The following NUP155 variants were observed in gnomAD, a reference collection of about 807,000 sequenced individuals.
NUP155 encodes the protein nucleoporin 155.
In NUP155, 71 loss-of-function variants were observed where a neutral mutation model predicts 180.4. That is an observed-to-expected ratio of 0.39 (90% CI 0.33 to 0.48). The LOEUF (loss-of-function observed/expected upper bound fraction) is 0.48. Ranked by LOEUF, NUP155 falls within the 20% of genes least tolerant of loss-of-function variation. The pLI is 0.91. For missense variants in NUP155, 1,553 were observed against 1,648.9 expected (o/e 0.94, Z 1.01); for synonymous variants, 582 against 559.5 (o/e 1.04, Z -0.57).
intron 8 of NUP155, 92 bp from the exon 9 acceptor site, chr5:37,348,688 T>C: frequency 2.5e-6 from 2 of 789,936 alleles, no homozygotes; most frequent in South Asian, 2.9e-5. Flanking sequence ...TTAATATTGG[T>C]ATTTAATACA....
intron 9 of NUP155, among the ~76,000 whole-genome samples, chr5:37,345,212 TG>T (rs1479766664): frequency 6.6e-6 from 1 of 151,456 alleles, no homozygotes; most frequent in Non-Finnish European, 1.5e-5. Flanking sequence ...TATATTGTTA[TG>T]TAACAGACTA....
chr5:37,351,445 CTCAAT>C, intron 5 of NUP155, 89 bp from the exon 6 acceptor site: 2 of 972,520 alleles, frequency 2.1e-6, no homozygotes, highest in Non-Finnish European at 3.2e-6. Context: ...TATATGTTTA[CTCAAT>C]TCTTTTTTTT....
chr5:37,318,040 A>G lies in NUP155; in HGVS notation c.2253T>C (p.Pro751=), dbSNP rs1293452991. Residue 751 remains proline (P), a synonymous_variant, in exon 21 of 35, where the codon CCT becomes CCC. Transcript: ENST00000231498. The part of the protein sequence containing the change: ...VQQRLIGFMR[P]ENGNPQQMQQ... Reference sequence around the variant, plus strand: ...GCATTTGCTGGGGATTTCCGTTTTCAGGACGCATGAATCCTATCAGCCTCT... The same window carrying G: ...GCATTTGCTGGGGATTTCCGTTTTCGGGACGCATGAATCCTATCAGCCTCT... The G allele has an allele frequency of 8.1e-6, 13 of 1,613,014 alleles. No individual in the cohort carries two copies. The highest frequency in any genetic ancestry group is 1.1e-5 in the Non-Finnish European group (13 of 1,178,940).
chr5:37,313,876 T>G (rs1388704414), intron 22 of NUP155, among the ~76,000 whole-genome samples: 1 of 152,178 alleles, frequency 6.6e-6, no homozygotes, highest in East Asian at 1.9e-4. Flanking sequence ...TCGATATGCA[T>G]TTCTTTAAGG....
chr5:37,338,184 G>A (rs1177674139), intron 11 of NUP155, among the ~76,000 whole-genome samples: 2 of 151,390 alleles, frequency 1.3e-5, no homozygotes, highest in Admixed American at 1.3e-4. Context: ...TGGGCATGGC[G>A]GCAGGCACCT....
chr5:37,368,388 T>G (rs1747744816), intron 1 of NUP155, among the ~76,000 whole-genome samples: 1 of 151,736 alleles, frequency 6.6e-6, no homozygotes, highest in Non-Finnish European at 1.5e-5. Context: ...CCAAGCTAAT[T>G]TTTGTATTAT....
intron 12 of NUP155, 88 bp from the exon 13 acceptor site, chr5:37,333,721 T>C: frequency 1.1e-6 from 1 of 891,194 alleles, no homozygotes; most frequent in Non-Finnish European, 1.8e-6. Context: ...AGAAGTAAAT[T>C]TAATAAATAG....
chr5:37,330,258 T>C, intron 14 of NUP155, 126 bp from the exon 15 acceptor site: 1 of 703,890 alleles, frequency 1.4e-6, no homozygotes, highest in Non-Finnish European at 2.5e-6. Context: ...ACTTGCTGAC[T>C]GAATGAAATC....
chr5:37,329,125 A>T (rs1349640215), intron 16 of NUP155, 65 bp downstream of exon 16: 4 of 1,160,234 alleles, frequency 3.4e-6, no homozygotes, highest in Non-Finnish European at 5.2e-6. Flanking sequence ...ATTGATAAAA[A>T]TTGCTATAAA....
rs1742172139 is a variant in NUP155, at chr5:37,290,168, T to C, written c.*1732A>G. ...TTACAATAAACAGAAGGTAATTATT[T>C]GTGGTAGCATAAAGAGAGAAGGGAA... On this transcript the variant is annotated 3_prime_UTR_variant, in exon 35 of 35. Transcript: ENST00000231498. 6.6e-6 allele frequency: 1 copy of C among 152,094 alleles called. No homozygotes were observed. The highest frequency in any genetic ancestry group is 1.5e-5 in the Non-Finnish European group (1 of 68,018). 9.4% of individuals were successfully genotyped at this position (152,094 alleles called of 1,614,324 possible).
intron 10 of NUP155, 121 bp downstream of exon 10, chr5:37,342,427 CT>C: frequency 3.1e-6 from 2 of 653,310 alleles, no homozygotes; most frequent in Admixed American, 5.7e-5. Flanking sequence ...ATTTTACAAA[CT>C]ATTTATATGG....
At chr5:37,362,949 G>A (rs1747315797) in intron 3 of NUP155, among the ~76,000 whole-genome samples, 1 of 152,138 alleles carries the variant, frequency 6.6e-6, no homozygotes, top group Admixed American at 6.6e-5. Context: ...GTCTCGCTCT[G>A]TCACTCAGGC....
chr5:37,334,153 G>T (rs1745162133), intron 12 of NUP155, among the ~76,000 whole-genome samples: 1 of 151,414 alleles, frequency 6.6e-6, no homozygotes, highest in Non-Finnish European at 1.5e-5. Flanking sequence ...CTAAGCTGGA[G>T]TGCGCTGGCA....
chr5:37,311,050 G>A (rs1389521174), intron 22 of NUP155, among the ~76,000 whole-genome samples: 1 of 151,992 alleles, frequency 6.6e-6, no homozygotes, highest in Non-Finnish European at 1.5e-5. Context: ...ACAATCACTT[G>A]GCTATATTTG....
In NUP155 at chr5:37,327,707, A is replaced by G. The variant is rs111794563; in HGVS notation, c.1946T>C (p.Met649Thr). The change falls in exon 18 of 35, where the codon ATG (methionine) becomes ACG (threonine). Residue 649 changes from methionine (M) to threonine (T), a missense_variant. Coordinates refer to ENST00000231498, the MANE Select transcript of NUP155 (RefSeq NM_153485.3). The stretch of plus-strand genomic sequence containing the variant: ...AATCTCTGGTCCAGTCACACAACTC[A>G]TATTTGTGGCCTGAGTTGCTGGGTT... ...LGNPATQATN[M>T]SCVTGPEIVY... is the part of the protein sequence containing the mutation. 18 of 1,613,988 alleles carry G rather than the reference A, an allele frequency of 1.1e-5. No individual in the cohort carries two copies. Among genetic ancestry groups the G allele is most frequent in the Middle Eastern group, 1.6e-4 (1 of 6,084 alleles).
At chr5:37,352,890 C>T in intron 4 of NUP155, 61 bp from the exon 5 acceptor site, 2 of 1,132,236 alleles carry the variant, frequency 1.8e-6, no homozygotes, top group East Asian at 4.7e-5. Context: ...ACAGAGTAAG[C>T]TTTTATTACC....
In NUP155 at chr5:37,290,490, A is replaced by C. The variant is rs1224938879; in HGVS notation, c.*1410T>G. 3 of 152,216 alleles carry C rather than the reference A, an allele frequency of 2.0e-5. No homozygotes were observed. Among genetic ancestry groups the C allele is most frequent in the Admixed American group, 2.0e-4 (3 of 15,282 alleles). 9.4% of individuals were successfully genotyped at this position (152,216 alleles called of 1,614,324 possible). The stretch of plus-strand genomic sequence containing the variant: ...GAGATTCTGTCTCCAAAAAAAAAAA[A>C]AAGAGAGAAAGGAATAGAGTGTTTT... On this transcript the variant is annotated 3_prime_UTR_variant, in exon 35 of 35. Coordinates refer to ENST00000231498, the MANE Select transcript of NUP155 (RefSeq NM_153485.3).
At chr5:37,323,918 T>C (rs1744412343) in intron 20 of NUP155, 74 bp downstream of exon 20, 3 of 1,014,830 alleles carry the variant, frequency 3.0e-6, no homozygotes, top group Non-Finnish European at 4.6e-6. Context: ...ACCAACTTTG[T>C]AGTATGTAAA....
chr5:37,298,469 T>C (rs1742701603), intron 32 of NUP155, among the ~76,000 whole-genome samples: 3 of 152,144 alleles, frequency 2.0e-5, no homozygotes. Flanking sequence ...AGTTTTAACA[T>C]AATTATTTGC....
Sources: gnomAD v4.1 joint callset for allele counts (sites outside exome capture counted in the v4.1 genomes callset) on GRCh38, gnomAD v4.1.1 for gene constraint, MANE v1.5 for transcripts, NCBI Gene and HGNC (gene_info 2026-07-23, HGNC 2026-07-21) for gene names.